The following AP1B1 variants were observed in gnomAD, a reference collection of about 807,000 sequenced individuals.
AP1B1 encodes AP-1 complex subunit beta-1.
In AP1B1, 36 loss-of-function variants were observed where a neutral mutation model predicts 104.3. The ratio of observed to expected loss-of-function variants is 0.35; its 90% CI spans 0.26 to 0.46. AP1B1 has a LOEUF of 0.46. AP1B1 is among the 20% of genes least tolerant of loss of function. The pLI, the probability that AP1B1 is intolerant of heterozygous loss-of-function variation, is 1.00. For missense variants in AP1B1, 901 were observed against 1,247.9 expected, an observed-to-expected ratio of 0.72 and a Z score of 4.19; for synonymous variants, 504 against 517.5, an observed-to-expected ratio of 0.97 and a Z score of 0.35.
At chr22:29,331,609 G>A in intron 18 of AP1B1, 76 bp from the exon 19 acceptor site, 1 of 1,587,572 alleles carries the variant, frequency 6.3e-7, no homozygotes, top group Non-Finnish European at 8.6e-7. Flanking sequence ...GTGTCACTGA[G>A]CAGATTCTCT....
chr22:29,368,705 C>T (rs1602780563), intron 1 of AP1B1, among the ~76,000 whole-genome samples: 1 of 150,922 alleles, frequency 6.6e-6, no homozygotes, highest in Middle Eastern at 3.4e-3. Flanking sequence ...AATTCTGTTT[C>T]CCCCTTCTGA....
At chr22:29,361,890 G>A (rs1300002234) in intron 3 of AP1B1, among the ~76,000 whole-genome samples, 2 of 151,998 alleles carry the variant, frequency 1.3e-5, no homozygotes, top group Non-Finnish European at 2.9e-5. Flanking sequence ...TGCCTCCCAG[G>A]TTCCAGCAAT....
rs1046476266 is a variant in AP1B1, at chr22:29,329,486, G to A, written c.2775+226C>T. On this transcript the variant is annotated intron_variant, in intron 22 of 22. Transcript: ENST00000357586. The stretch of plus-strand genomic sequence containing the variant: ...GGGAACAATGGAGTTCCGCAGGTCA[G>A]CAGCAGCCCACGGGCCCTCCAGGTC... The A allele has an allele frequency of 4.3e-6, 6 of 1,396,698 alleles. No homozygotes were observed. In the African/African-American group the frequency reaches 7.3e-5, roughly 17 times the overall value. 86.5% of individuals were successfully genotyped at this position (1,396,698 alleles called of 1,614,324 possible).
chr22:29,351,291 G>C (rs760161995), intron 8 of AP1B1, 25 bp from the exon 9 acceptor site: 5 of 1,612,340 alleles, frequency 3.1e-6, no homozygotes, highest in Non-Finnish European at 3.4e-6. Context: ...GAAAAGATGG[G>C]GCTGGGGCAC....
chr22:29,366,810 AAAAACACGTGCCCTTG>A (rs1483937618), intron 2 of AP1B1, among the ~76,000 whole-genome samples: 3 of 150,346 alleles, frequency 2.0e-5, no homozygotes, highest in Non-Finnish European at 4.4e-5. Context: ...AAAAAAAAAG[AAAAACACGTGCCCTTG>A]GATAAGGACA....
chr22:29,376,273 T>C (rs1602805741), intron 1 of AP1B1, among the ~76,000 whole-genome samples: 1 of 152,158 alleles, frequency 6.6e-6, no homozygotes, highest in Non-Finnish European at 1.5e-5. Flanking sequence ...CGGGCAATGA[T>C]TCATGTCAGA....
intron 21 of AP1B1, chr22:29,330,119 T>C: frequency 1.4e-6 from 2 of 1,420,028 alleles, no homozygotes; most frequent in Non-Finnish European, 1.8e-6. Flanking sequence ...CCAAACCAAC[T>C]GCACCACCTT....
intron 1 of AP1B1, among the ~76,000 whole-genome samples, chr22:29,383,569 C>T (rs974086072): frequency 6.6e-5 from 10 of 150,826 alleles, no homozygotes; most frequent in South Asian, 4.2e-4. Context: ...ATTAGCCGGG[C>T]GTGGTGGCGG....
chr22:29,369,238 C>T (rs1001067135), intron 1 of AP1B1, among the ~76,000 whole-genome samples: 2 of 152,092 alleles, frequency 1.3e-5, no homozygotes, highest in South Asian at 4.1e-4. Flanking sequence ...TCCTCTCCAG[C>T]CCAATTGGAT....
At position 29,346,089 on chromosome 22, in the gene AP1B1, G is replaced by C. The variant is rs2147968880; in HGVS notation, c.1437+3129C>G. Among the ~76,000 whole-genome samples, 2 of 152,340 alleles carry C rather than the reference G, an allele frequency of 1.3e-5. 1 individual carries two copies. The highest frequency in any genetic ancestry group is 3.9e-4 in the East Asian group (2 of 5,192). ...ACCCCCACTTTACAAACAAGGCCCAGCAGTCTTTGCAATAACTGCACTAGA... is the reference window on the plus strand; with the variant it reads ...ACCCCCACTTTACAAACAAGGCCCACCAGTCTTTGCAATAACTGCACTAGA... On this transcript the variant is annotated intron_variant, in intron 11 of 22. Transcript: ENST00000357586.
chr22:29,374,214 G>GT (rs1241019546), intron 1 of AP1B1, among the ~76,000 whole-genome samples: 2 of 151,926 alleles, frequency 1.3e-5, no homozygotes, highest in African/African-American at 2.4e-5. Flanking sequence ...AAAAAATTTT[G>GT]TTTTTAAAAA....
At chr22:29,350,783 G>A (rs1343843853) in intron 9 of AP1B1, among the ~76,000 whole-genome samples, 1 of 152,184 alleles carries the variant, frequency 6.6e-6, no homozygotes, top group Non-Finnish European at 1.5e-5. Context: ...GCCCTGGGAC[G>A]CTGGGACACA....
At chr22:29,364,650 G>A (rs1239500771) in intron 2 of AP1B1, among the ~76,000 whole-genome samples, 1 of 151,324 alleles carries the variant, frequency 6.6e-6, no homozygotes, top group Admixed American at 6.6e-5. Context: ...AACTGATCTC[G>A]TGATCCGCCC....
Position 29,351,841 on chromosome 22 carries a change from G to A in AP1B1, c.939-16C>T. 2 of 1,613,784 alleles carry A rather than the reference G, an allele frequency of 1.2e-6. No homozygotes were observed. Among genetic ancestry groups the A allele is most frequent in the Non-Finnish European group, 1.7e-6 (2 of 1,179,850 alleles). Reference sequence around the variant, plus strand: ...GATCTCAGGCCTGGTGGTGGGGCAGGATGCCCGGAGAGCAAAAAACAAGGC... The same window carrying A: ...GATCTCAGGCCTGGTGGTGGGGCAGAATGCCCGGAGAGCAAAAAACAAGGC... On this transcript the variant is annotated splice_polypyrimidine_tract_variant and intron_variant, in intron 7 of 22. Transcript: ENST00000357586.
intron 1 of AP1B1, among the ~76,000 whole-genome samples, chr22:29,375,284 A>T (rs960484963): frequency 1.1e-4 from 15 of 134,282 alleles, no homozygotes; most frequent in African/African-American, 4.0e-4. Context: ...TGGGAGGCAG[A>T]GGTTGTAGTG....
chr22:29,355,378 T>C (rs1363372435), intron 6 of AP1B1, among the ~76,000 whole-genome samples: 1 of 152,148 alleles, frequency 6.6e-6, no homozygotes, highest in African/African-American at 2.4e-5. Flanking sequence ...GAGGACTGCT[T>C]TGAGCCCAGG....
intron 1 of AP1B1, among the ~76,000 whole-genome samples, chr22:29,377,945 A>G (rs1044667897): frequency 2.6e-5 from 4 of 152,142 alleles, no homozygotes; most frequent in Admixed American, 2.6e-4. Flanking sequence ...AGAAAATGGC[A>G]GTGCCGGCAC....
At position 29,340,847 on chromosome 22, in the gene AP1B1, C is replaced by A. The variant is rs754226007; in HGVS notation, c.1807G>T (p.Ala603Ser). The A allele has an allele frequency of 1.3e-6, 2 of 1,593,550 alleles. No homozygotes were observed. The highest frequency in any genetic ancestry group is 1.3e-5 in the African/African-American group (1 of 74,794). ...LPPRTASSES[A>S]ESPETAPTGA... The stretch of plus-strand genomic sequence containing the variant: ...GTAGGGGCTGTCTCAGGGCTCTCTG[C>A]GCTCTCACTCCTGCCGGGACACAGA... Residue 603 changes from alanine (A) to serine (S), a missense_variant, in exon 14 of 23, where the codon GCA (alanine) becomes TCA (serine). Transcript: ENST00000357586.
At chr22:29,376,068 G>C (rs747675616) in intron 1 of AP1B1, among the ~76,000 whole-genome samples, 3 of 152,232 alleles carry the variant, frequency 2.0e-5, no homozygotes, top group Non-Finnish European at 4.4e-5. Flanking sequence ...CGAGGAAGTA[G>C]AGTATGATCA....
Sources: gnomAD v4.1 joint callset for allele counts (sites outside exome capture counted in the v4.1 genomes callset) on GRCh38, gnomAD v4.1.1 for gene constraint, MANE v1.5 for transcripts, NCBI Gene and HGNC (gene_info 2026-07-23, HGNC 2026-07-21) for gene names.